SLC4A10: variants seen among roughly 807,000 people sequenced by gnomAD.
The protein encoded by SLC4A10 is solute carrier family 4 member 10, also known as sodium-driven chloride bicarbonate exchanger.
A neutral mutation model predicts 137.7 loss-of-function variants in SLC4A10; 42 were observed. The observed-to-expected ratio is 0.30, with a 90% CI of 0.24 to 0.39. The LOEUF is 0.39. SLC4A10 is among the 10% of genes least tolerant of loss of function. The pLI, the probability that SLC4A10 is intolerant of heterozygous loss-of-function variation, is 1.00. For synonymous variants in SLC4A10, 474 were observed against 464.1 expected (o/e 1.02, Z -0.27); for missense variants, 925 against 1,355.0 (o/e 0.68, Z 4.98).
At chr2:161,847,769 C>T (rs1295267096) in intron 4 of SLC4A10, among the ~76,000 whole-genome samples, 1 of 152,152 alleles carries the variant, frequency 6.6e-6, no homozygotes, top group Non-Finnish European at 1.5e-5. Context: ...TTTATACAGT[C>T]CACCACTGGT....
At chr2:161,637,253 A>G (rs2034596617) in intron 1 of SLC4A10, among the ~76,000 whole-genome samples, 1 of 151,528 alleles carries the variant, frequency 6.6e-6, no homozygotes, top group Non-Finnish European at 1.5e-5. Context: ...GCTGGAGTGC[A>G]GTAGCATGAT....
chr2:161,694,091 C>T (rs1289571440), intron 1 of SLC4A10, among the ~76,000 whole-genome samples: 1 of 151,944 alleles, frequency 6.6e-6, no homozygotes, highest in African/African-American at 2.4e-5. Context: ...ACTCACTTTA[C>T]CTTTATCCTA....
chr2:161,765,550 G>C (rs2050712267), intron 1 of SLC4A10, among the ~76,000 whole-genome samples: 1 of 150,640 alleles, frequency 6.6e-6, no homozygotes, highest in African/African-American at 2.5e-5. Flanking sequence ...AGGAGGCAGA[G>C]GTTGCAGTGA....
chr2:161,794,718 T>C (rs1049655203), intron 2 of SLC4A10, among the ~76,000 whole-genome samples: 6 of 152,184 alleles, frequency 3.9e-5, no homozygotes, highest in African/African-American at 1.4e-4. Flanking sequence ...ATAATCCTCC[T>C]GCTCTTCTCC....
Position 161,779,074 on chromosome 2 carries a change from G to C in SLC4A10, c.130+8020G>C, listed in dbSNP as rs189567161. Among the ~76,000 whole-genome samples the C allele has an allele frequency of 9.9e-5, 15 of 152,070 alleles. No individual in the cohort carries two copies. In the East Asian group the frequency reaches 2.9e-3, roughly 30 times the overall value. ...GGCATCTTCTTGGCTTCTGGTGAGG[G>C]CTTTTGTGCATCATCTTAACAGGGT... On this transcript the variant is annotated intron_variant, in intron 2 of 26. Transcript: ENST00000446997.
chr2:161,903,933 G>A (rs779897283), intron 12 of SLC4A10, 71 bp from the exon 13 acceptor site: 6 of 1,446,006 alleles, frequency 4.1e-6, no homozygotes, highest in Middle Eastern at 2.5e-4. Flanking sequence ...TGGCAACAAA[G>A]CAAATGAGCA....
chr2:161,743,360 A>G (rs969572812), intron 1 of SLC4A10, among the ~76,000 whole-genome samples: 8 of 152,170 alleles, frequency 5.3e-5, no homozygotes, highest in African/African-American at 1.9e-4. Context: ...TCCCAGCACC[A>G]TTTATTGAAG....
chr2:161,666,627 A>G (rs2039077160), intron 1 of SLC4A10, among the ~76,000 whole-genome samples: 1 of 151,782 alleles, frequency 6.6e-6, no homozygotes, highest in Non-Finnish European at 1.5e-5. Context: ...GATCTGGCTG[A>G]TATTATGAAT....
chr2:161,656,418 C>A (rs568707755), intron 1 of SLC4A10, among the ~76,000 whole-genome samples: 34 of 152,048 alleles, frequency 2.2e-4, no homozygotes, highest in Admixed American at 1.9e-3. Flanking sequence ...TAAAAATTGG[C>A]AATTTAAATT....
At position 161,802,202 on chromosome 2, in the gene SLC4A10, A is replaced by T. The variant is rs114901266; in HGVS notation, c.131-2247A>T. Reference sequence around the variant, plus strand: ...CTTTCAGCTTTCGGTTTGCCAGAGGATTAATCTATAATTATTTTTAGGATT... The same window carrying T: ...CTTTCAGCTTTCGGTTTGCCAGAGGTTTAATCTATAATTATTTTTAGGATT... On this transcript the variant is annotated intron_variant, in intron 2 of 26. Transcript: ENST00000446997. Among the ~76,000 whole-genome samples the T allele has an allele frequency of 4.6e-3, 700 of 152,178 alleles. 3 individuals carry two copies. Among genetic ancestry groups the T allele is most frequent in the Non-Finnish European group, 6.6e-3 (452 of 67,978 alleles).
At chr2:161,706,265 T>C (rs1487189479) in intron 1 of SLC4A10, among the ~76,000 whole-genome samples, 1 of 151,640 alleles carries the variant, frequency 6.6e-6, no homozygotes, top group Non-Finnish European at 1.5e-5. Context: ...GATAAAAATA[T>C]CAGTGTTTGT....
intron 15 of SLC4A10, among the ~76,000 whole-genome samples, chr2:161,913,872 A>T (rs1686465475): frequency 6.6e-6 from 1 of 152,190 alleles, no homozygotes; most frequent in African/African-American, 2.4e-5. Flanking sequence ...TTTACATAGG[A>T]TATCTGCCAC....
At chr2:161,673,062 T>C (rs2039907776) in intron 1 of SLC4A10, among the ~76,000 whole-genome samples, 1 of 152,182 alleles carries the variant, frequency 6.6e-6, no homozygotes. Flanking sequence ...AACTGCGCCA[T>C]GAGCAGGGCA....
At chr2:161,923,689 G>A (rs1178074024) in intron 15 of SLC4A10, among the ~76,000 whole-genome samples, 3 of 151,930 alleles carry the variant, frequency 2.0e-5, no homozygotes, top group Non-Finnish European at 4.4e-5. Context: ...TGGGGGGAGT[G>A]GGGAAGGATA....
At chr2:161,769,157 G>C (rs1488904490) in intron 1 of SLC4A10, among the ~76,000 whole-genome samples, 1 of 151,880 alleles carries the variant, frequency 6.6e-6, no homozygotes, top group East Asian at 1.9e-4. Flanking sequence ...CAAACTGTTA[G>C]AGCCCTTTCT....
intron 2 of SLC4A10, among the ~76,000 whole-genome samples, chr2:161,780,363 T>C (rs1020838527): frequency 1.3e-5 from 2 of 151,984 alleles, no homozygotes; most frequent in African/African-American, 4.8e-5. Context: ...AGAGTTTTCC[T>C]ACAAAACAAA....
intron 1 of SLC4A10, among the ~76,000 whole-genome samples, chr2:161,709,160 A>G (rs764802114): frequency 4.0e-5 from 6 of 151,512 alleles, no homozygotes; most frequent in Non-Finnish European, 8.9e-5. Flanking sequence ...AATAGAGTCA[A>G]TCTTTATATT....
chr2:161,971,531 T>C (rs545616019), intron 23 of SLC4A10, among the ~76,000 whole-genome samples: 1 of 152,324 alleles, frequency 6.6e-6, no homozygotes, highest in Non-Finnish European at 1.5e-5. Context: ...CATTTTAAGG[T>C]ATTTTTCTGA....
chr2:161,954,843 T>C lies in SLC4A10; in HGVS notation c.2542-2146T>C, dbSNP rs1048780739. ...CTTCCTGCAATTCAGAATCCCACTGTTTACATTTGTATCATATTTTTAAAA... is the reference window on the plus strand; with the variant it reads ...CTTCCTGCAATTCAGAATCCCACTGCTTACATTTGTATCATATTTTTAAAA... On this transcript the variant is annotated intron_variant, in intron 19 of 26. Transcript: ENST00000446997. 1.0e-3 allele frequency among the ~76,000 whole-genome samples: 154 copies of C among 152,220 alleles called. 5 individuals are homozygous for C. The highest frequency in any genetic ancestry group is 2.6e-4 in the Non-Finnish European group (18 of 68,030).
Sources: allele counts gnomAD v4.1 joint callset (sites outside exome capture counted in the v4.1 genomes callset), GRCh38; gene constraint gnomAD v4.1.1; transcripts MANE v1.5; gene names NCBI Gene and HGNC (gene_info 2026-07-23, HGNC 2026-07-21).